OXR1: variants seen among roughly 807,000 people sequenced by gnomAD.
OXR1 encodes the protein oxidation resistance 1, also known as oxidation resistance protein 1.
A neutral mutation model predicts 104.6 loss-of-function variants in OXR1; 41 were observed. That is an observed-to-expected ratio of 0.39 (90% confidence interval 0.31 to 0.51). The LOEUF is 0.51. Among genes scored for constraint, OXR1 ranks in the 20% least tolerant of loss-of-function variants. The pLI is 0.77. For synonymous variants in OXR1, 348 were observed against 348.4 expected (o/e 1.00, Z 0.01); for missense variants, 955 against 1,031.9 (o/e 0.93, Z 1.02).
chr8:106,579,048 T>A (rs1379137547), intron 3 of OXR1, among the ~76,000 whole-genome samples: 4 of 150,344 alleles, frequency 2.7e-5, no homozygotes, highest in African/African-American at 9.8e-5. Flanking sequence ...TATTGCTGAC[T>A]GGGAATGTCC....
intron 4 of OXR1, 108 bp from the exon 5 acceptor site, chr8:106,683,091 T>A (rs565862352): frequency 1.8e-6 from 1 of 557,036 alleles, no homozygotes; most frequent in South Asian, 2.7e-5. Flanking sequence ...CAATACCAGT[T>A]GTTAATCAAA....
chr8:106,545,745 C>T lies in OXR1; in HGVS notation c.220+26606C>T, dbSNP rs758709962. ...AGGAAAATAGGCTTATAACTGTAATCCCAGCACTTTGGGAGACTGAGGTGA... is the reference window on the plus strand; with the variant it reads ...AGGAAAATAGGCTTATAACTGTAATTCCAGCACTTTGGGAGACTGAGGTGA... On this transcript the variant is annotated intron_variant, in intron 3 of 16. Transcript: ENST00000517566. Among the ~76,000 whole-genome samples, 12 of 152,260 alleles carry T rather than the reference C, an allele frequency of 7.9e-5. 1 individual carries two copies. The East Asian group carries it at 2.1e-3, about 27-fold the overall frequency.
At chr8:106,478,335 CG>C (rs990602911) in intron 2 of OXR1, among the ~76,000 whole-genome samples, 3 of 151,632 alleles carry the variant, frequency 2.0e-5, no homozygotes, top group African/African-American at 7.3e-5. Flanking sequence ...GCCAAATTGC[CG>C]TGAATTCAAA....
chr8:106,536,719 A>G (rs1225182129), intron 3 of OXR1, among the ~76,000 whole-genome samples: 1 of 152,164 alleles, frequency 6.6e-6, no homozygotes, highest in Non-Finnish European at 1.5e-5. Context: ...CTCAAAGCAA[A>G]TAATCTGCAA....
intron 2 of OXR1, among the ~76,000 whole-genome samples, chr8:106,511,769 T>A (rs1377066266): frequency 2.0e-5 from 3 of 152,222 alleles, no homozygotes; most frequent in African/African-American, 7.2e-5. Flanking sequence ...GTCCAGGTCC[T>A]TGCCCAAGTG....
At chr8:106,406,713 T>G (rs753713510) in intron 2 of OXR1, among the ~76,000 whole-genome samples, 3 of 152,008 alleles carry the variant, frequency 2.0e-5, no homozygotes, top group Admixed American at 1.3e-4. Flanking sequence ...GATGAATAGG[T>G]AGAGTACAGA....
intron 3 of OXR1, among the ~76,000 whole-genome samples, chr8:106,554,903 G>A (rs1816144400): frequency 1.3e-5 from 2 of 151,986 alleles, no homozygotes; most frequent in African/African-American, 4.8e-5. Context: ...TTTAAACTTT[G>A]TGAAAAAATG....
intron 2 of OXR1, among the ~76,000 whole-genome samples, chr8:106,454,805 G>C (rs1208939949): frequency 6.6e-6 from 1 of 152,108 alleles, no homozygotes; most frequent in Non-Finnish European, 1.5e-5. Context: ...GTGAACTGGG[G>C]CAGATGCTTT....
At chr8:106,741,296 T>C (rs1338011530) in intron 14 of OXR1, among the ~76,000 whole-genome samples, 1 of 152,142 alleles carries the variant, frequency 6.6e-6, no homozygotes, top group African/African-American at 2.4e-5. Flanking sequence ...TATGATTTCA[T>C]TTATAGAAAG....
chr8:106,270,898 T>C lies in OXR1; in HGVS notation c.-139+531T>C, dbSNP rs78192810. On this transcript the variant is annotated intron_variant, in intron 1 of 16. Transcript: ENST00000517566. ...GACGCCGGTGGAAGGGACAGTGGGC[T>C]CCGGAGGGGCGAGTGGATTCGGATA... is the stretch of plus-strand genomic sequence containing the variant. Among the ~76,000 whole-genome samples the C allele has an allele frequency of 4.3e-3, 661 of 152,050 alleles. 8 individuals are homozygous for C. In the South Asian group the frequency reaches 0.056, roughly 13 times the overall value.
chr8:106,679,184 A>G lies in OXR1; in HGVS notation c.221-26A>G, dbSNP rs28921396. On this transcript the variant is annotated intron_variant, in intron 3 of 16. Transcript: ENST00000517566. The stretch of plus-strand genomic sequence containing the variant: ...TTACTCTGAAAGAAAGATGAATTTA[A>G]TAGGAATTTTGCCTTTTTTTCCCAG... 8.2e-5 allele frequency: 113 copies of G among 1,375,400 alleles called. No individual in the cohort carries two copies. In the African/African-American group the frequency reaches 1.4e-3, roughly 17 times the overall value. The allele number at this position is 1,375,400 out of a possible 1,614,324, so 85.2% of individuals were successfully genotyped here. A position where few individuals can be genotyped will look rare whatever the true frequency, so the allele number is the denominator to read the frequency against.
intron 3 of OXR1, among the ~76,000 whole-genome samples, chr8:106,525,234 A>C (rs1813569573): frequency 6.6e-6 from 1 of 152,212 alleles, no homozygotes; most frequent in South Asian, 2.1e-4. Context: ...AGGATCTTTA[A>C]GCAATTTATT....
chr8:106,746,147 G>A (rs1359094130), intron 16 of OXR1, among the ~76,000 whole-genome samples: 2 of 152,012 alleles, frequency 1.3e-5, no homozygotes, highest in South Asian at 4.2e-4. Context: ...ATAATATAAA[G>A]GGAAATATCT....
At chr8:106,507,518 G>A (rs973376514) in intron 2 of OXR1, among the ~76,000 whole-genome samples, 2 of 152,194 alleles carry the variant, frequency 1.3e-5, no homozygotes, top group African/African-American at 2.4e-5. Flanking sequence ...ACTACATGAA[G>A]TTACGAAAAC....
At chr8:106,273,419 C>T (rs1045284743) in intron 1 of OXR1, among the ~76,000 whole-genome samples, 3 of 152,118 alleles carry the variant, frequency 2.0e-5, no homozygotes, top group Admixed American at 6.5e-5. Flanking sequence ...GGCAGTTTTA[C>T]CCCCTAGGGG....
chr8:106,728,314 A>T (rs534566460), intron 11 of OXR1, among the ~76,000 whole-genome samples: 1 of 151,726 alleles, frequency 6.6e-6, no homozygotes, highest in South Asian at 2.1e-4. Context: ...GTAGCTTTTT[A>T]GAATTCTTCG....
chr8:106,610,713 T>C (rs1156697102), intron 3 of OXR1, among the ~76,000 whole-genome samples: 1 of 152,216 alleles, frequency 6.6e-6, no homozygotes, highest in Non-Finnish European at 1.5e-5. Flanking sequence ...TAATCCTACT[T>C]GCCTGACTTA....
intron 6 of OXR1, among the ~76,000 whole-genome samples, chr8:106,690,510 T>C (rs1829171429): frequency 6.6e-6 from 1 of 151,072 alleles, no homozygotes; most frequent in African/African-American, 2.4e-5. Flanking sequence ...AGGAAACAAA[T>C]ATTTTATATA....
chr8:106,650,886 T>C (rs1053384504), intron 3 of OXR1, among the ~76,000 whole-genome samples: 9 of 152,244 alleles, frequency 5.9e-5, no homozygotes, highest in African/African-American at 1.9e-4. Flanking sequence ...AGGAACTGTG[T>C]AGTTATTTTT....
Sources: gnomAD v4.1 joint callset for allele counts (sites outside exome capture counted in the v4.1 genomes callset) on GRCh38, gnomAD v4.1.1 for gene constraint, MANE v1.5 for transcripts, NCBI Gene and HGNC (gene_info 2026-07-23, HGNC 2026-07-21) for gene names.